Variants in PRSS23 observed in about 807,000 individuals in gnomAD.
The protein encoded by PRSS23 is serine protease 23.
In PRSS23, 25 loss-of-function variants were observed where a neutral mutation model predicts 34.7. The observed-to-expected ratio is 0.72, with a 90% confidence interval of 0.53 to 1.01. PRSS23 has a LOEUF of 1.01. Ranked by LOEUF, PRSS23 falls within the 50% of genes least tolerant of loss-of-function variation. The pLI is 0.00. For missense variants in PRSS23, 445 were observed against 475.6 expected (o/e 0.94, Z 0.60); for synonymous variants, 176 against 186.6 (o/e 0.94, Z 0.46).
intron 2 of PRSS23, among the ~76,000 whole-genome samples, chr11:86,866,783 TC>T (rs578162366): frequency 1.1e-4 from 16 of 152,270 alleles, no homozygotes; most frequent in Non-Finnish European, 1.6e-4. Flanking sequence ...CTCTACTAGT[TC>T]CCATGAGAGC....
At chr11:86,870,236 A>ATTTTTT (rs34828230) in intron 2 of PRSS23, among the ~76,000 whole-genome samples, 1 of 142,026 alleles carries the variant, frequency 7.0e-6, no homozygotes, top group Non-Finnish European at 1.5e-5. Flanking sequence ...AGAGATGGTG[A>ATTTTTT]TTTTTTTTTT....
chr11:86,872,020 C>A (rs1948687586), intron 2 of PRSS23, among the ~76,000 whole-genome samples: 1 of 152,184 alleles, frequency 6.6e-6, no homozygotes, highest in Non-Finnish European at 1.5e-5. Context: ...GCTCTGGAAT[C>A]AAACATCCCA....
chr11:86,857,124 T>C, intron 2 of PRSS23: 1 of 315,082 alleles, frequency 3.2e-6, no homozygotes, highest in Admixed American at 3.6e-5. Flanking sequence ...TGTCCCTGTT[T>C]CTCAGGCTGT....
At chr11:86,865,192 C>G (rs954520132) in intron 2 of PRSS23, among the ~76,000 whole-genome samples, 3 of 152,176 alleles carry the variant, frequency 2.0e-5, no homozygotes, top group Admixed American at 6.5e-5. Flanking sequence ...GGAAGCATCA[C>G]GGTACAGTGG....
chr11:86,873,199 CACACACACACACACACAGATATATGT>C (rs1565372474), intron 2 of PRSS23, among the ~76,000 whole-genome samples: 13 of 132,190 alleles, frequency 9.8e-5, no homozygotes, highest in African/African-American at 3.6e-4. Context: ...CATATATATA[CACACACACACACACACAGATATATGT>C]ATATATATAT....
chr11:86,850,797 A>C (rs554397570), intron 2 of PRSS23, among the ~76,000 whole-genome samples: 15 of 152,360 alleles, frequency 9.8e-5, no homozygotes, highest in South Asian at 2.1e-4. Context: ...CTACAAAGTC[A>C]TAAAGTAGAC....
At chr11:86,803,494 T>A (rs1948064128) in intron 1 of PRSS23, among the ~76,000 whole-genome samples, 1 of 152,232 alleles carries the variant, frequency 6.6e-6, no homozygotes, top group Non-Finnish European at 1.5e-5. Context: ...TTCTAAGGAA[T>A]TACTCCATTA....
chr11:86,931,242 T>C (rs1949123916), intron 2 of PRSS23, among the ~76,000 whole-genome samples: 1 of 152,314 alleles, frequency 6.6e-6, no homozygotes, highest in African/African-American at 2.4e-5. Flanking sequence ...TGGGTATTTA[T>C]CCAAGTTAAA....
At chr11:86,933,857 C>G (rs1440019260) in intron 2 of PRSS23, 1 of 152,048 alleles carries the variant, frequency 6.6e-6, no homozygotes, top group Non-Finnish European at 1.5e-5. Flanking sequence ...GTGTTGTATC[C>G]ATGATTTGGA....
At chr11:86,854,405 G>C (rs1004006229) in intron 2 of PRSS23, among the ~76,000 whole-genome samples, 2 of 152,160 alleles carry the variant, frequency 1.3e-5, no homozygotes, top group African/African-American at 4.8e-5. Context: ...GTATATTATG[G>C]ATAACAGCCT....
chr11:86,822,542 G>A (rs188284298), intron 1 of PRSS23, among the ~76,000 whole-genome samples: 53 of 151,396 alleles, frequency 3.5e-4, no homozygotes, highest in Admixed American at 9.9e-4. Flanking sequence ...GATAGCTTGA[G>A]CCTGGGAGGT....
chr11:86,929,322 CA>C (rs1207187904), intron 2 of PRSS23, among the ~76,000 whole-genome samples: 13 of 98,674 alleles, frequency 1.3e-4, no homozygotes, highest in South Asian at 3.4e-4. Flanking sequence ...AACTCCGTCT[CA>C]AAAAAAAAAA....
chr11:86,864,437 C>T (rs567190306), intron 2 of PRSS23, among the ~76,000 whole-genome samples: 6 of 152,184 alleles, frequency 3.9e-5, no homozygotes, highest in Admixed American at 1.3e-4. Flanking sequence ...GGAAGGACCA[C>T]GTAGTCATGC....
intron 2 of PRSS23, among the ~76,000 whole-genome samples, chr11:86,937,975 A>G (rs995647383): frequency 1.3e-5 from 2 of 152,174 alleles, no homozygotes; most frequent in Admixed American, 6.5e-5. Context: ...TAGTGGTGTG[A>G]AAGCTGAGGT....
At chr11:86,860,222 C>A (rs1328682793) in intron 2 of PRSS23, among the ~76,000 whole-genome samples, 2 of 151,946 alleles carry the variant, frequency 1.3e-5, no homozygotes, top group Admixed American at 6.6e-5. Context: ...GTTCACACCC[C>A]CTGTGATATT....
intron 2 of PRSS23, among the ~76,000 whole-genome samples, chr11:86,895,900 T>C (rs1408258827): frequency 6.6e-6 from 1 of 152,206 alleles, no homozygotes; most frequent in Non-Finnish European, 1.5e-5. Flanking sequence ...AACAAATGCA[T>C]CTGATCAGTC....
intron 2 of PRSS23, chr11:86,857,846 T>G (rs1948583215): frequency 1.2e-4 from 68 of 552,466 alleles, no homozygotes; most frequent in Non-Finnish European, 2.1e-4. Context: ...TACATGGGGG[T>G]GTGGAAGTGG....
chr11:86,895,477 CTTTTT>C (rs71040269), intron 2 of PRSS23, among the ~76,000 whole-genome samples: 5 of 86,636 alleles, frequency 5.8e-5, no homozygotes, highest in Admixed American at 1.8e-4. Flanking sequence ...TTATTTTATC[CTTTTT>C]TTTTTTTTTT....
At chr11:86,926,584 G>T (rs1490768617) in intron 2 of PRSS23, among the ~76,000 whole-genome samples, 1 of 152,168 alleles carries the variant, frequency 6.6e-6, no homozygotes, top group African/African-American at 2.4e-5. Context: ...AAACTGGGAA[G>T]TCAGAACACT....
Sources: allele counts gnomAD v4.1 joint callset (sites outside exome capture counted in the v4.1 genomes callset), GRCh38; gene constraint gnomAD v4.1.1; transcripts MANE v1.5; gene names NCBI Gene and HGNC (gene_info 2026-07-23, HGNC 2026-07-21).